PREX2: variants seen among roughly 807,000 people sequenced by gnomAD.
The protein encoded by PREX2 is phosphatidylinositol 3,4,5-trisphosphate-dependent Rac exchanger 2 protein.
In PREX2, 107 loss-of-function variants were observed where a neutral mutation model predicts 203.2. That is an observed-to-expected ratio of 0.53 (90% CI 0.45 to 0.62). The LOEUF (loss-of-function observed/expected upper bound fraction) is 0.62. PREX2 is among the 20% of genes least tolerant of loss of function. The probability of loss-of-function intolerance (pLI) is 0.00; values close to 1 mark genes in which losing one functional copy is unlikely to be tolerated. For synonymous variants in PREX2, 672 were observed against 663.6 expected, an observed-to-expected ratio of 1.01 and a Z score of -0.19; for missense variants, 1,777 against 1,955.9, an observed-to-expected ratio of 0.91 and a Z score of 1.72.
intron 14 of PREX2, among the ~76,000 whole-genome samples, chr8:68,074,268 AT>A (rs1011033926): frequency 5.3e-5 from 8 of 151,320 alleles, no homozygotes; most frequent in Admixed American, 1.3e-4. Context: ...CCCAGCCGCA[AT>A]TTTTTTTTCT....
chr8:67,952,252 C>G lies in PREX2; in HGVS notation c.-143C>G. 1.6e-6 allele frequency: 1 copy of G among 640,246 alleles called. No homozygotes were observed. Among genetic ancestry groups the G allele is most frequent in the Non-Finnish European group, 2.2e-6 (1 of 446,146 alleles). The allele number at this position is 640,246 out of a possible 1,614,324, so 39.7% of individuals were successfully genotyped here. A position where few individuals can be genotyped will look rare whatever the true frequency, so the allele number is the denominator to read the frequency against. On this transcript the variant is annotated 5_prime_UTR_variant, in exon 1 of 40. Coordinates refer to ENST00000288368, the MANE Select transcript of PREX2 (RefSeq NM_024870.4). ...CCTCTCCCTGCGCCCAGCCTCTCCCCAGCATGTAAAGTCTTCTGTCTCTCC... is the reference window on the plus strand; with the variant it reads ...CCTCTCCCTGCGCCCAGCCTCTCCCGAGCATGTAAAGTCTTCTGTCTCTCC...
chr8:68,112,562 TACA>T (rs952392610), intron 25 of PREX2, among the ~76,000 whole-genome samples: 1 of 152,050 alleles, frequency 6.6e-6, no homozygotes, highest in African/African-American at 2.4e-5. Context: ...CTACTAAATG[TACA>T]ACAAGAGGGG....
intron 6 of PREX2, among the ~76,000 whole-genome samples, chr8:68,032,951 G>A (rs1169772623): frequency 6.6e-6 from 1 of 152,160 alleles, no homozygotes; most frequent in Admixed American, 6.5e-5. Flanking sequence ...GGCCTCCTTA[G>A]GGAGGACATT....
Position 68,060,776 on chromosome 8 carries a change from C to T in PREX2, c.1336C>T (p.His446Tyr). Reference protein sequence around the residue: ...QALLENGIIHHVTDKHQFKPE... With the variant: ...QALLENGIIHYVTDKHQFKPE... ...ATTATTAGAAAATGGAATCATTCAC[C>T]ATGGTAATTACTTTATTATTAATTA... The change falls in exon 11 of 40, where the codon CAT becomes TAT. Residue 446 changes from histidine (H) to tyrosine (Y), a missense_variant. Coordinates refer to ENST00000288368, the MANE Select transcript of PREX2 (RefSeq NM_024870.4). The T allele has an allele frequency of 1.3e-6, 2 of 1,587,136 alleles. No homozygotes were observed. Among genetic ancestry groups the T allele is most frequent in the South Asian group, 2.2e-5 (2 of 89,282 alleles).
At chr8:67,973,239 A>G (rs56395477) in intron 1 of PREX2, among the ~76,000 whole-genome samples, 35,193 of 152,076 alleles carry the variant, frequency 0.23, 4,956 homozygotes, top group East Asian at 0.54. Flanking sequence ...TCCTAAAAGA[A>G]TGTTTTCATC....
At chr8:67,990,666 T>A (rs546736779) in intron 1 of PREX2, among the ~76,000 whole-genome samples, 162 of 152,032 alleles carry the variant, frequency 1.1e-3, no homozygotes, top group Non-Finnish European at 1.9e-3. Flanking sequence ...CCCGCCACCA[T>A]GCCAGGTGGT....
intron 35 of PREX2, among the ~76,000 whole-genome samples, chr8:68,169,168 C>T (rs1811819031): frequency 6.6e-6 from 1 of 152,010 alleles, no homozygotes; most frequent in African/African-American, 2.4e-5. Flanking sequence ...AAGATGGTTC[C>T]TACAAACGAG....
At chr8:68,115,021 C>CTTTTTTTTTTTTTTTTTTTTTTTTT (rs5892137) in intron 25 of PREX2, among the ~76,000 whole-genome samples, 1 of 86,866 alleles carries the variant, frequency 1.2e-5, no homozygotes, top group Non-Finnish European at 2.1e-5. Context: ...TCTTTTCTTT[C>CTTTTTTTTTTTTTTTTTTTTTTTTT]TTTTTTTTTT....
rs553533753 is a variant in PREX2 at position 67,985,680 on chromosome 8, G to A, written c.142-32166G>A. 2.0e-5 allele frequency among the ~76,000 whole-genome samples: 3 copies of A among 152,274 alleles called. No individual in the cohort carries two copies. The East Asian group carries it at 5.8e-4, about 29-fold the overall frequency. ...CTCAGAGGCAGAGACTCCCCAGGAGGGCCGCTGAGTACAGTAGGCTGTAAG... is the reference window on the plus strand; with the variant it reads ...CTCAGAGGCAGAGACTCCCCAGGAGAGCCGCTGAGTACAGTAGGCTGTAAG... On this transcript the variant is annotated intron_variant, in intron 1 of 39. Coordinates refer to ENST00000288368, the MANE Select transcript of PREX2 (RefSeq NM_024870.4).
chr8:67,963,626 T>G (rs901755268), intron 1 of PREX2, among the ~76,000 whole-genome samples: 6 of 152,190 alleles, frequency 3.9e-5, no homozygotes, highest in Non-Finnish European at 7.3e-5. Flanking sequence ...CTTTTTTGTT[T>G]TCAATAATTA....
At chr8:67,971,639 A>G (rs1349534999) in intron 1 of PREX2, among the ~76,000 whole-genome samples, 1 of 152,230 alleles carries the variant, frequency 6.6e-6, no homozygotes, top group African/African-American at 2.4e-5. Flanking sequence ...CTCAACATCG[A>G]AGAGGAAACT....
chr8:68,196,425 G>T (rs1812395191), intron 37 of PREX2, among the ~76,000 whole-genome samples: 1 of 146,100 alleles, frequency 6.8e-6, no homozygotes, highest in African/African-American at 2.5e-5. Context: ...TTATATATAT[G>T]AATTATATAT....
At chr8:68,003,132 T>A (rs1022245250) in intron 1 of PREX2, among the ~76,000 whole-genome samples, 3 of 152,208 alleles carry the variant, frequency 2.0e-5, no homozygotes, top group Non-Finnish European at 4.4e-5. Flanking sequence ...GGATTTATTC[T>A]AACTAAATCC....
chr8:68,167,304 A>T (rs1811780493), intron 35 of PREX2, among the ~76,000 whole-genome samples: 1 of 149,696 alleles, frequency 6.7e-6, no homozygotes, highest in Admixed American at 6.7e-5. Flanking sequence ...CTGTCTATGG[A>T]TGCATCAGCA....
intron 38 of PREX2, among the ~76,000 whole-genome samples, chr8:68,224,177 C>T (rs371918156): frequency 2.6e-5 from 4 of 151,970 alleles, no homozygotes; most frequent in African/African-American, 9.7e-5. Flanking sequence ...TGCCACCATG[C>T]CAGGCTAATT....
intron 10 of PREX2, among the ~76,000 whole-genome samples, chr8:68,059,901 T>C (rs1313737504): frequency 6.6e-6 from 1 of 152,224 alleles, no homozygotes; most frequent in African/African-American, 2.4e-5. Flanking sequence ...GAGCTGGCAG[T>C]TGCACATTGA....
chr8:67,954,160 G>C (rs1805429686), intron 1 of PREX2, among the ~76,000 whole-genome samples: 1 of 152,162 alleles, frequency 6.6e-6, no homozygotes, highest in African/African-American at 2.4e-5. Context: ...GTAAGAAAGT[G>C]TGGAAAGTAT....
chr8:67,972,962 T>G (rs1203625762), intron 1 of PREX2, among the ~76,000 whole-genome samples: 3 of 152,152 alleles, frequency 2.0e-5, no homozygotes, highest in Admixed American at 6.6e-5. Context: ...CTCCTCTTTG[T>G]CCCTCCCCTA....
chr8:67,971,465 G>A lies in PREX2; in HGVS notation c.141+18930G>A, dbSNP rs148248456. ...CAGGTGATTCTAATGTGGGAGTAGGGTTCAGAAATACAAGGAAATGAATAC... is the reference window on the plus strand; with the variant it reads ...CAGGTGATTCTAATGTGGGAGTAGGATTCAGAAATACAAGGAAATGAATAC... On this transcript the variant is annotated intron_variant, in intron 1 of 39. Coordinates refer to ENST00000288368, the MANE Select transcript of PREX2 (RefSeq NM_024870.4). Among the ~76,000 whole-genome samples the A allele has an allele frequency of 7.8e-3, 1,194 of 152,130 alleles. 17 individuals carry two copies. The highest frequency in any genetic ancestry group is 0.026 in the African/African-American group (1,078 of 41,492).
Sources: allele counts gnomAD v4.1 joint callset (sites outside exome capture counted in the v4.1 genomes callset), GRCh38; gene constraint gnomAD v4.1.1; transcripts MANE v1.5; gene names NCBI Gene and HGNC (gene_info 2026-07-23, HGNC 2026-07-21).